PPP1R13L: variants seen among roughly 807,000 people sequenced by gnomAD.
PPP1R13L encodes the protein relA-associated inhibitor.
PPP1R13L carries 50 observed loss-of-function variants against 80.9 expected under a neutral mutation model. That is an observed-to-expected ratio of 0.62 (90% CI 0.49 to 0.78). PPP1R13L has a LOEUF of 0.78. Among genes scored for constraint, PPP1R13L ranks in the 30% least tolerant of loss-of-function variants. The probability of loss-of-function intolerance (pLI) is 0.00; values close to 1 mark genes in which losing one functional copy is unlikely to be tolerated. For missense variants in PPP1R13L, 1,200 were observed against 1,205.9 expected (o/e 1.00, Z 0.07); for synonymous variants, 602 against 534.3 (o/e 1.13, Z -1.75).
chr19:45,402,540 C>A (rs889770095), intron 1 of PPP1R13L, among the ~76,000 whole-genome samples: 1 of 152,212 alleles, frequency 6.6e-6, no homozygotes, highest in African/African-American at 2.4e-5. Context: ...GGGCGGACTG[C>A]GCCTGAGCTC....
chr19:45,383,924 G>T (rs1972816339), intron 11 of PPP1R13L, among the ~76,000 whole-genome samples: 1 of 151,618 alleles, frequency 6.6e-6, no homozygotes, highest in Middle Eastern at 3.4e-3. Flanking sequence ...GCTACACCCG[G>T]CTAAATTGTT....
At chr19:45,402,767 G>A (rs901443997) in intron 1 of PPP1R13L, among the ~76,000 whole-genome samples, 2 of 152,178 alleles carry the variant, frequency 1.3e-5, no homozygotes, top group African/African-American at 2.4e-5. Context: ...CCAGCCGCAG[G>A]TACTCTCCCC....
rs36082224 is a variant in PPP1R13L, at chr19:45,396,478, C to G, written c.713-42G>C. 3.6e-3 allele frequency: 5,854 copies of G among 1,611,930 alleles called. 104 individuals carry two copies. In the African/African-American group the frequency reaches 0.041, roughly 11 times the overall value. On this transcript the variant is annotated intron_variant, in intron 4 of 12. Coordinates refer to ENST00000360957, the MANE Select transcript of PPP1R13L (RefSeq NM_006663.4). This position sits in a 1 kb window ranked among gnomAD's most constrained non-coding sequence, Gnocchi z 5.3. ...AGGGAGGATGAGACGGGAGGGGTGG[C>G]GAGCCCCGGATCCTGCCCGCTTTGA...
intron 12 of PPP1R13L, 150 bp downstream of exon 12, chr19:45,382,377 C>T: frequency 1.1e-6 from 1 of 898,534 alleles, no homozygotes; most frequent in East Asian, 2.6e-5. Flanking sequence ...GACTTTTCGT[C>T]TCCTCCCCAT....
upstream of PPP1R13L, among the ~76,000 whole-genome samples, chr19:45,405,603 G>A (rs896968234): frequency 2.6e-5 from 4 of 152,338 alleles, no homozygotes; most frequent in African/African-American, 7.2e-5. Flanking sequence ...TCTCGCCCAC[G>A]CGAAGGAAAC....
Position 45,380,178 on chromosome 19 carries a change from CCTT to C in PPP1R13L, c.*9_*11del, listed in dbSNP as rs764487824. On this transcript the variant is annotated 3_prime_UTR_variant, in exon 13 of 13. Coordinates refer to ENST00000360957, the MANE Select transcript of PPP1R13L (RefSeq NM_006663.4). ...TTGTTTCTGTCAGCCTCAGAAACCTCCTTCTATCCTGCTAGACTTTACTCCTTT... is the reference window on the plus strand; with the variant it reads ...TTGTTTCTGTCAGCCTCAGAAACCTCCTATCCTGCTAGACTTTACTCCTTT... 15 of 1,613,716 alleles carry C rather than the reference CCTT, an allele frequency of 9.3e-6. No individual in the cohort carries two copies. The highest frequency in any genetic ancestry group is 1.2e-5 in the Non-Finnish European group (14 of 1,179,870).
chr19:45,403,428 C>G (rs539254549), intron 1 of PPP1R13L, among the ~76,000 whole-genome samples: 1 of 152,224 alleles, frequency 6.6e-6, no homozygotes, highest in African/African-American at 2.4e-5. Flanking sequence ...CCTGTACATT[C>G]CTGAGTCTGG....
chr19:45,386,782 T>G (rs546844137), intron 8 of PPP1R13L, among the ~76,000 whole-genome samples: 6 of 151,724 alleles, frequency 4.0e-5, no homozygotes, highest in African/African-American at 1.4e-4. Context: ...ATTACAGGCA[T>G]GCGCCACTAT....
intron 7 of PPP1R13L, chr19:45,392,773 C>T (rs1973003357): frequency 1.5e-5 from 4 of 273,740 alleles, no homozygotes; most frequent in South Asian, 1.4e-4. Flanking sequence ...CCTCTCCTAA[C>T]ATCTCAGGCA....
chr19:45,393,530 T>C (rs774895883), intron 7 of PPP1R13L, among the ~76,000 whole-genome samples: 5 of 150,740 alleles, frequency 3.3e-5, no homozygotes, highest in Non-Finnish European at 5.9e-5. Flanking sequence ...AGGTGTAGGA[T>C]GCAGTGAGCT....
At chr19:45,399,414 G>A (rs1973185285) in intron 1 of PPP1R13L, among the ~76,000 whole-genome samples, 1 of 147,138 alleles carries the variant, frequency 6.8e-6, no homozygotes, top group South Asian at 2.2e-4. Flanking sequence ...CACGAGGTCA[G>A]GAGAGCGAGA....
chr19:45,394,363 G>A (rs1973038411), intron 7 of PPP1R13L, among the ~76,000 whole-genome samples: 2 of 152,078 alleles, frequency 1.3e-5, no homozygotes, highest in African/African-American at 4.8e-5. Context: ...GGCTGGTCTT[G>A]AACTCCAGAG....
chr19:45,390,693 T>A (rs549543359), intron 8 of PPP1R13L, among the ~76,000 whole-genome samples: 1 of 152,178 alleles, frequency 6.6e-6, no homozygotes, highest in African/African-American at 2.4e-5. Flanking sequence ...TCTGAGGAGT[T>A]TTGTCTGTGG....
At chr19:45,400,907 G>T (rs1973219489) in intron 1 of PPP1R13L, among the ~76,000 whole-genome samples, 1 of 73,250 alleles carries the variant, frequency 1.4e-5, no homozygotes. Context: ...CTCCCAAGTA[G>T]CTGGGACTAC....
intron 6 of PPP1R13L, 32 bp from the exon 7 acceptor site, chr19:45,395,918 G>C: frequency 6.6e-7 from 1 of 1,526,236 alleles, no homozygotes; most frequent in African/African-American, 1.4e-5. Flanking sequence ...AGGGGATCGG[G>C]TGAGAGAGGG....
chr19:45,402,579 G>A (rs1016090857), intron 1 of PPP1R13L, among the ~76,000 whole-genome samples: 10 of 152,220 alleles, frequency 6.6e-5, no homozygotes, highest in African/African-American at 2.4e-4. Flanking sequence ...GCGGGCCCGG[G>A]CAGGTGCTGT....
At chr19:45,405,408 C>T (rs1973317431), upstream of PPP1R13L, among the ~76,000 whole-genome samples, 1 of 152,156 alleles carries the variant, frequency 6.6e-6, no homozygotes, top group Admixed American at 6.5e-5. Flanking sequence ...GGTCTCTGAG[C>T]CCGAATCTCC....
Position 45,385,863 on chromosome 19 carries a change from G to T in PPP1R13L, c.2042C>A (p.Thr681Asn). The change falls in exon 10 of 13, where the codon ACC becomes AAC. Residue 681 changes from threonine (T) to asparagine (N), a missense_variant. Physicochemically the swap from Thr to Asn is moderately conservative, Grantham distance 65 (BLOSUM62 0). This residue lies in a region of PPP1R13L where 214 missense variants were observed against 199.6 expected (regional missense o/e 1.07). Coordinates refer to ENST00000360957, the MANE Select transcript of PPP1R13L (RefSeq NM_006663.4). ...ANYSIVDFLI[T>N]AGANVNSPDS... ...GGGGGAGTTGACATTGGCACCCGCG[G>T]TGATGAGGAAATCCACGATAGAGTA... 6.2e-7 allele frequency: 1 copy of T among 1,611,024 alleles called. No homozygotes were observed. The highest frequency in any genetic ancestry group is 2.2e-5 in the East Asian group (1 of 44,784).
rs565469083 is a variant in PPP1R13L at position 45,396,055 on chromosome 19, C to G, written c.903+113G>C. 1 of 1,337,328 alleles carries G rather than the reference C, an allele frequency of 7.5e-7. No individual in the cohort carries two copies. Among genetic ancestry groups the G allele is most frequent in the Admixed American group, 2.2e-5 (1 of 46,176 alleles). 82.8% of individuals were successfully genotyped at this position (1,337,328 alleles called of 1,614,324 possible). On this transcript the variant is annotated intron_variant, in intron 6 of 12. Transcript: ENST00000360957. This position sits in a 1 kb window ranked among gnomAD's most constrained non-coding sequence, Gnocchi z 5.3. ...GCACAGTGAAGGGAGAGCGTGGGAA[C>G]GGGCGCCGAGACCCAGATCGCAGCC...
Sources: gnomAD v4.1 joint callset for allele counts (sites outside exome capture counted in the v4.1 genomes callset) on GRCh38, gnomAD v4.1.1 for gene constraint, gnomAD v4.1.1 regional missense constraint, Gnocchi (gnomAD v3.1) non-coding constraint, MANE v1.5 for transcripts, NCBI Gene and HGNC (gene_info 2026-07-23, HGNC 2026-07-21) for gene names.